PCNX4: variants seen among roughly 807,000 people sequenced by gnomAD.
The protein encoded by PCNX4 is pecanex 4.
In PCNX4, 103 loss-of-function variants were observed where a neutral mutation model predicts 107.2. The observed-to-expected ratio is 0.96, with a 90% confidence interval of 0.82 to 1.13. PCNX4 has a LOEUF of 1.13. Among genes scored for constraint, PCNX4 ranks in the 50% most tolerant of loss-of-function variants. The probability of loss-of-function intolerance (pLI) is 0.00; values close to 1 mark genes in which losing one functional copy is unlikely to be tolerated. For missense variants in PCNX4, 1,528 were observed against 1,379.4 expected, an observed-to-expected ratio of 1.11 and a Z score of -1.71; for synonymous variants, 541 against 481.7, an observed-to-expected ratio of 1.12 and a Z score of -1.61.
chr14:60,111,802 TTTTG>T (rs1457556947), intron 2 of PCNX4, among the ~76,000 whole-genome samples: 2 of 152,184 alleles, frequency 1.3e-5, no homozygotes, highest in Non-Finnish European at 2.9e-5. Flanking sequence ...AGTTTTTTGT[TTTTG>T]TTTATCTGTA....
chr14:60,115,013 A>G lies in PCNX4; in HGVS notation c.909A>G (p.Ile303Met). The change falls in exon 4 of 11, where the codon ATA becomes ATG. Residue 303 changes from isoleucine (I) to methionine (M), a missense_variant. Ile to Met is a conservative substitution (Grantham distance 10). Transcript: ENST00000406854. ...TCATCATGTCTGCTGGAACAGCTAT[A>G]GCATCATATTTCATTCCAAGCACTG... Reference protein sequence around the residue: ...VMFIMSAGTAIASYFIPSTVG... With the variant: ...VMFIMSAGTAMASYFIPSTVG... 1 of 1,612,272 alleles carries G rather than the reference A, an allele frequency of 6.2e-7. No individual in the cohort carries two copies. Among genetic ancestry groups the G allele is most frequent in the Non-Finnish European group, 8.5e-7 (1 of 1,178,602 alleles).
At position 60,123,832 on chromosome 14, in the gene PCNX4, A is replaced by C. The variant is rs531095228; in HGVS notation, c.2047-386A>C. Among the ~76,000 whole-genome samples, 18 of 152,264 alleles carry C rather than the reference A, an allele frequency of 1.2e-4. No homozygotes were observed. The South Asian group carries it at 3.3e-3, about 28-fold the overall frequency. Reference sequence around the variant, plus strand: ...CATAAAGTGGGATGGAAAGCATATAATACTACTGTATATACTGTATAATTC... The same window carrying C: ...CATAAAGTGGGATGGAAAGCATATACTACTACTGTATATACTGTATAATTC... On this transcript the variant is annotated intron_variant, in intron 8 of 10. Transcript: ENST00000406854.
chr14:60,123,209 CAT>C (rs886400141), intron 8 of PCNX4, among the ~76,000 whole-genome samples: 2 of 152,212 alleles, frequency 1.3e-5, no homozygotes, highest in South Asian at 2.1e-4. Context: ...TGCTCTGTGA[CAT>C]ATGTGGTTTA....
chr14:60,114,577 G>GGT (rs1333154282), intron 2 of PCNX4, 123 bp from the exon 3 acceptor site: 12 of 717,256 alleles, frequency 1.7e-5, no homozygotes, highest in African/African-American at 5.7e-5. Flanking sequence ...ACTTTTCTGT[G>GGT]GTGTGTGTGT....
At chr14:60,120,022 T>C (rs1895925496) in intron 7 of PCNX4, among the ~76,000 whole-genome samples, 1 of 152,226 alleles carries the variant, frequency 6.6e-6, no homozygotes, top group South Asian at 2.1e-4. Flanking sequence ...GTGATTCCAG[T>C]TCTAGAGAAA....
Position 60,108,042 on chromosome 14 carries a change from A to G in PCNX4, c.404A>G (p.Lys135Arg), listed in dbSNP as rs1895663665. Residue 135 changes from lysine to arginine, a missense_variant, in exon 2 of 11, where the codon AAA (lysine) becomes AGA (arginine). By Grantham distance (26) the Lys-to-Arg change is conservative. Transcript: ENST00000406854. ...ETVKFLIPGK[K>R]YVANTVFHSI... Reference sequence around the variant, plus strand: ...GTCAAATTTCTCATTCCTGGCAAGAAATATGTAGCCAATACAGTTTTTCAT... The same window carrying G: ...GTCAAATTTCTCATTCCTGGCAAGAGATATGTAGCCAATACAGTTTTTCAT... 4 of 1,612,898 alleles carry G rather than the reference A, an allele frequency of 2.5e-6. No homozygotes were observed. Among genetic ancestry groups the G allele is most frequent in the Non-Finnish European group, 3.4e-6 (4 of 1,179,882 alleles).
At chr14:60,106,241 T>G (rs1895626446) in intron 1 of PCNX4, among the ~76,000 whole-genome samples, 1 of 152,194 alleles carries the variant, frequency 6.6e-6, no homozygotes, top group Admixed American at 6.5e-5. Flanking sequence ...CCAAGGATGT[T>G]CAAGTCTCTG....
Position 60,148,171 on chromosome 14 carries a change from A to T in PCNX4, c.*13950A>T, listed in dbSNP as rs1896454324. 1 of 152,182 alleles carries T rather than the reference A, an allele frequency of 6.6e-6. No individual in the cohort carries two copies. Among genetic ancestry groups the T allele is most frequent in the South Asian group, 2.1e-4 (1 of 4,834 alleles). 9.4% of individuals were successfully genotyped at this position (152,182 alleles called of 1,614,324 possible). On this transcript the variant is annotated 3_prime_UTR_variant, in exon 11 of 11. Transcript: ENST00000406854. This position sits in a 1 kb window ranked among gnomAD's most constrained non-coding sequence, Gnocchi z 4.8. Reference sequence around the variant, plus strand: ...TGTGTTTGTAACTTTTTACCCCCTAATTCATTTTCACTGTCCTGCAAAGAG... The same window carrying T: ...TGTGTTTGTAACTTTTTACCCCCTATTTCATTTTCACTGTCCTGCAAAGAG...
chr14:60,113,280 A>G (rs160223), intron 2 of PCNX4, among the ~76,000 whole-genome samples: 112,310 of 152,068 alleles, frequency 0.74, 43,919 homozygotes, highest in Non-Finnish European at 0.87. Context: ...GCGTTACTAT[A>G]TTATATCCAT....
Position 60,115,089 on chromosome 14 carries a change from T to G in PCNX4, c.985T>G (p.Leu329Val), listed in dbSNP as rs1183592042. 6.2e-7 allele frequency: 1 copy of G among 1,613,968 alleles called. No homozygotes were observed. Among genetic ancestry groups the G allele is most frequent in the Non-Finnish European group, 8.5e-7 (1 of 1,179,872 alleles). The stretch of plus-strand genomic sequence containing the variant: ...ATTTGGTTTCTTGCTGAGTCTGAAC[T>G]TAAGTGATATGGGTCACAAAATTGG... ...TGFGFLLSLN[L>V]SDMGHKIGTK... Residue 329 changes from leucine to valine, a missense_variant, in exon 4 of 11, where the codon TTA (leucine) becomes GTA (valine). Physicochemically the swap from Leu to Val is conservative, Grantham distance 32. Coordinates refer to ENST00000406854, the MANE Select transcript of PCNX4 (RefSeq NM_001330177.2).
At chr14:60,113,569 A>G (rs1895780721) in intron 2 of PCNX4, among the ~76,000 whole-genome samples, 1 of 152,066 alleles carries the variant, frequency 6.6e-6, no homozygotes, top group Admixed American at 6.5e-5. Context: ...GGGTTTCACC[A>G]TGTTGGCCAG....
Position 60,107,730 on chromosome 14 carries a change from A to C in PCNX4, c.92A>C (p.Lys31Thr). 4 of 1,612,736 alleles carry C rather than the reference A, an allele frequency of 2.5e-6. No individual in the cohort carries two copies. The highest frequency in any genetic ancestry group is 3.4e-6 in the Non-Finnish European group (4 of 1,179,796). Residue 31 changes from lysine (K) to threonine (T), a missense_variant, in exon 2 of 11, where the codon AAA (lysine) becomes ACA (threonine). Lys to Thr is a moderately conservative substitution (Grantham distance 78). Transcript: ENST00000406854. Reference protein sequence around the residue: ...PQTVLGGPRFKLGYCAPPYIY... With the variant: ...PQTVLGGPRFTLGYCAPPYIY... ...ACTGTTCTTGGAGGCCCTCGATTCA[A>C]ATTAGGCTATTGTGCCCCTCCTTAC...
chr14:60,098,091 G>A (rs1031380496), intron 1 of PCNX4, among the ~76,000 whole-genome samples: 8 of 152,034 alleles, frequency 5.3e-5, no homozygotes, highest in East Asian at 1.9e-4. Context: ...AGGTCAGCAT[G>A]AACATAAATC....
At chr14:60,125,594 A>T (rs1202559031) in intron 9 of PCNX4, 43 bp from the exon 10 acceptor site, 3 of 1,309,062 alleles carry the variant, frequency 2.3e-6, no homozygotes, top group East Asian at 5.5e-5. Flanking sequence ...TTTAAAGTTG[A>T]CAGCAAATAT....
At chr14:60,126,337 G>C (rs1298492338) in intron 10 of PCNX4, 2 of 152,222 alleles carry the variant, frequency 1.3e-5, no homozygotes, top group African/African-American at 2.4e-5. Context: ...TACACAACAT[G>C]AAAGATTCAA....
At position 60,137,927 on chromosome 14, in the gene PCNX4, AAAAT is replaced by A. The variant is rs1049560612; in HGVS notation, c.*3710_*3713del. ...ACACAATGAAACCCCATCTGTAGTAAAAATAAAAAAAAAAATAACCGGGTGTGGT... is the reference window on the plus strand; with the variant it reads ...ACACAATGAAACCCCATCTGTAGTAAAAAAAAAAAAATAACCGGGTGTGGT... On this transcript the variant is annotated 3_prime_UTR_variant, in exon 11 of 11. Coordinates refer to ENST00000406854, the MANE Select transcript of PCNX4 (RefSeq NM_001330177.2). 6.6e-6 allele frequency: 1 copy of A among 151,096 alleles called. No individual in the cohort carries two copies. The highest frequency in any genetic ancestry group is 1.5e-5 in the Non-Finnish European group (1 of 68,020). 9.4% of individuals were successfully genotyped at this position (151,096 alleles called of 1,614,324 possible).
intron 1 of PCNX4, among the ~76,000 whole-genome samples, chr14:60,105,608 T>C (rs1199706138): frequency 2.0e-5 from 3 of 152,216 alleles, no homozygotes; most frequent in Non-Finnish European, 4.4e-5. Context: ...TTTCCATGTT[T>C]CTACAATAAT....
chr14:60,124,092 TAAAG>T, intron 8 of PCNX4, 122 bp from the exon 9 acceptor site: 4 of 747,378 alleles, frequency 5.4e-6, no homozygotes, highest in Non-Finnish European at 8.1e-6. Context: ...GCTCTTGAGT[TAAAG>T]AAATTGTTTT....
rs1431115677 is a variant in PCNX4 at position 60,143,584 on chromosome 14, CTTCT to C, written c.*9366_*9369del. On this transcript the variant is annotated 3_prime_UTR_variant, in exon 11 of 11. Coordinates refer to ENST00000406854, the MANE Select transcript of PCNX4 (RefSeq NM_001330177.2). The stretch of plus-strand genomic sequence containing the variant: ...TGTGAACAGTATTGTGTTAGCGTTG[CTTCT>C]TTATTTCTTCACTTATGACTATGCC... 9.9e-5 allele frequency: 15 copies of C among 152,180 alleles called. No individual in the cohort carries two copies. The highest frequency in any genetic ancestry group is 3.1e-4 in the African/African-American group (13 of 41,438). The allele number at this position is 152,180 out of a possible 1,614,324, so 9.4% of individuals were successfully genotyped here.
Sources: allele counts gnomAD v4.1 joint callset (sites outside exome capture counted in the v4.1 genomes callset), GRCh38; gene constraint gnomAD v4.1.1; non-coding constraint Gnocchi (gnomAD v3.1); transcripts MANE v1.5; gene names NCBI Gene and HGNC (gene_info 2026-07-23, HGNC 2026-07-21).